The following MUTYH variants were observed in gnomAD, a reference collection of about 807,000 sequenced individuals.
MUTYH encodes the protein adenine DNA glycosylase.
A neutral mutation model predicts 72.9 loss-of-function variants in MUTYH; 64 were observed. The ratio of observed to expected loss-of-function variants is 0.88; its 90% confidence interval spans 0.72 to 1.08. The LOEUF is 1.08. Among genes scored for constraint, MUTYH ranks in the 50% least tolerant of loss-of-function variants. MUTYH has a pLI of 0.00. For synonymous variants in MUTYH, 234 were observed against 263.1 expected, an observed-to-expected ratio of 0.89 and a Z score of 1.07; for missense variants, 633 against 671.0, an observed-to-expected ratio of 0.94 and a Z score of 0.63.
In MUTYH at chr1:45,334,386, C is replaced by T. The variant is rs1570463324; in HGVS notation, c.115+5G>A. ...TGAGCCTTGGGCCACAACCTAGTTC[C>T]TTACCATCACAGGCAGAAGGCTTGG... is the stretch of plus-strand genomic sequence containing the variant. On this transcript the variant is annotated splice_donor_5th_base_variant and intron_variant, in intron 2 of 15. Coordinates refer to ENST00000456914, the MANE Select transcript of MUTYH (RefSeq NM_001048174.2). The T allele has an allele frequency of 2.5e-6, 4 of 1,614,062 alleles. No individual in the cohort carries two copies. The highest frequency in any genetic ancestry group is 3.4e-6 in the Non-Finnish European group (4 of 1,179,992).
chr1:45,333,055 G>T, intron 5 of MUTYH, 42 bp downstream of exon 5: 1 of 1,612,600 alleles, frequency 6.2e-7, no homozygotes, highest in South Asian at 1.1e-5. Flanking sequence ...GCTCTCATCT[G>T]GGGTCTGACC....
At chr1:45,336,444 AAAG>A (rs1394954078) in intron 1 of MUTYH, among the ~76,000 whole-genome samples, 2 of 152,162 alleles carry the variant, frequency 1.3e-5, no homozygotes, top group African/African-American at 4.8e-5. Context: ...AAGATCTACA[AAAG>A]AAGTGAAAAT....
rs147470874 is a variant in MUTYH at position 45,335,147 on chromosome 1, G to A, written c.-6-636C>T. ...CTGCTCCCTAACTGTTATAATGGCC[G>A]CCTTTTCTCTAACAGCTAAAATTAG... On this transcript the variant is annotated intron_variant, in intron 1 of 15. Transcript: ENST00000456914. 2.2e-3 allele frequency among the ~76,000 whole-genome samples: 336 copies of A among 152,182 alleles called. 2 individuals carry two copies. Among genetic ancestry groups the A allele is most frequent in the Middle Eastern group, 0.01 (3 of 292 alleles).
intron 1 of MUTYH, among the ~76,000 whole-genome samples, chr1:45,335,422 C>T (rs1333801068): frequency 6.6e-6 from 1 of 152,218 alleles, no homozygotes; most frequent in Non-Finnish European, 1.5e-5. Flanking sequence ...GACTTTACCA[C>T]CTCATTTTCA....
rs769287218 is a variant in MUTYH at position 45,339,935 on chromosome 1, G to A, written c.-43C>T. On this transcript the variant is annotated 5_prime_UTR_variant, in exon 1 of 16. Transcript: ENST00000456914. ...GCTGATGAAGACAGCAGAACACGGA[G>A]GCCCCGCGTTCCCGCCGCGAGAGCA... The A allele has an allele frequency of 2.7e-6, 4 of 1,467,510 alleles. No homozygotes were observed. Among genetic ancestry groups the A allele is most frequent in the South Asian group, 1.2e-5 (1 of 83,442 alleles). The allele number at this position is 1,467,510 out of a possible 1,614,324, so 90.9% of individuals were successfully genotyped here.
Position 45,331,166 on chromosome 1 carries a change from A to G in MUTYH, c.1392+16T>C. On this transcript the variant is annotated intron_variant, in intron 14 of 15. Coordinates refer to ENST00000456914, the MANE Select transcript of MUTYH (RefSeq NM_001048174.2). Reference sequence around the variant, plus strand: ...GGAAACACAAGGAAGTACAACAAAGACAACAAAGGTAGTGCCTTTTTCATG... The same window carrying G: ...GGAAACACAAGGAAGTACAACAAAGGCAACAAAGGTAGTGCCTTTTTCATG... 1 of 1,614,112 alleles carries G rather than the reference A, an allele frequency of 6.2e-7. No homozygotes were observed. The highest frequency in any genetic ancestry group is 8.5e-7 in the Non-Finnish European group (1 of 1,179,940).
chr1:45,331,862 A>C lies in MUTYH; in HGVS notation c.914-13T>G. ...CCAGTGTTGGGAGCTGGGAACGGAG[A>C]TCCCCGAACCCTACTCAAGCCAAGA... On this transcript the variant is annotated splice_polypyrimidine_tract_variant and intron_variant, in intron 11 of 15. Coordinates refer to ENST00000456914, the MANE Select transcript of MUTYH (RefSeq NM_001048174.2). The C allele has an allele frequency of 1.9e-6, 3 of 1,599,770 alleles. No homozygotes were observed. The highest frequency in any genetic ancestry group is 2.6e-6 in the Non-Finnish European group (3 of 1,173,036).
intron 9 of MUTYH, 34 bp from the exon 10 acceptor site, chr1:45,332,344 T>C: frequency 6.2e-7 from 1 of 1,614,074 alleles, no homozygotes; most frequent in South Asian, 1.1e-5. Context: ...GAAGCAGAGC[T>C]CCTTTGCAGA....
chr1:45,333,581 C>G lies in MUTYH; in HGVS notation c.116-20G>C. 6.2e-7 allele frequency: 1 copy of G among 1,612,278 alleles called. No individual in the cohort carries two copies. Among genetic ancestry groups the G allele is most frequent in the African/African-American group, 1.3e-5 (1 of 75,030 alleles). On this transcript the variant is annotated intron_variant, in intron 2 of 15. Coordinates refer to ENST00000456914, the MANE Select transcript of MUTYH (RefSeq NM_001048174.2). ...CCAGGCCTGCTGGGGCCCCAGGACA[C>G]TCAGCAATCATCCCTGCACAGGCTG... is the stretch of plus-strand genomic sequence containing the variant.
intron 1 of MUTYH, among the ~76,000 whole-genome samples, chr1:45,336,852 G>C (rs1645974714): frequency 6.6e-6 from 1 of 152,074 alleles, no homozygotes; most frequent in Non-Finnish European, 1.5e-5. Flanking sequence ...TAGGGAGATG[G>C]GTAATCACTT....
At position 45,332,075 on chromosome 1, in the gene MUTYH, T is replaced by C. The variant is rs763422835; in HGVS notation, c.861A>G (p.Glu287=). ...ACAGGCTCCCTGAGGCTAAGAGCTGTTCCTGCTCCACCTGAGAGGCACAGG... is the reference window on the plus strand; with the variant it reads ...ACAGGCTCCCTGAGGCTAAGAGCTGCTCCTGCTCCACCTGAGAGGCACAGG... ...LCRARQRVEQ[E]QLLASGSLSG... Residue 287 remains glutamate (E), a synonymous_variant, in exon 11 of 16, where the codon GAA becomes GAG. Transcript: ENST00000456914. 2 of 1,614,184 alleles carry C rather than the reference T, an allele frequency of 1.2e-6. No homozygotes were observed. Among genetic ancestry groups the C allele is most frequent in the Non-Finnish European group, 8.5e-7 (1 of 1,180,014 alleles).
rs746756021 is a variant in MUTYH at position 45,331,386 on chromosome 1, G to A, written c.1239+34C>T. 14 of 1,614,226 alleles carry A rather than the reference G, an allele frequency of 8.7e-6. No individual in the cohort carries two copies. In the African/African-American group the frequency reaches 1.9e-4, roughly 22 times the overall value. On this transcript the variant is annotated intron_variant, in intron 13 of 15. Transcript: ENST00000456914. ...TAGGCCTGTGGATATAGCCTCAAAA[G>A]CCAACATCCTTGGCTATTCCGCTGC... is the stretch of plus-strand genomic sequence containing the variant.
At position 45,331,637 on chromosome 1, in the gene MUTYH, C is replaced by T. The variant is rs775388504; in HGVS notation, c.1102+24G>A. ...TCTCTCTTGTTACTCATGCCACTGC[C>T]CTCCACGCCCAGTATCCAGGTACCT... On this transcript the variant is annotated intron_variant, in intron 12 of 15. Coordinates refer to ENST00000456914, the MANE Select transcript of MUTYH (RefSeq NM_001048174.2). 6 of 1,613,448 alleles carry T rather than the reference C, an allele frequency of 3.7e-6. No homozygotes were observed. In the Admixed American group the frequency reaches 8.3e-5, roughly 22 times the overall value.
rs1644345586 is a variant in MUTYH, at chr1:45,329,317, C to T, written c.1555G>A (p.Ala519Thr). ...ISTDAHSLNS[A>T]AQ Reference sequence around the variant, plus strand: ...GGCTTTCAGAGGTGTCACTGGGCTGCACTGTTGAGGCTGTGTGCATCAGTG... The same window carrying T: ...GGCTTTCAGAGGTGTCACTGGGCTGTACTGTTGAGGCTGTGTGCATCAGTG... The change falls in exon 16 of 16, where the codon GCA (alanine) becomes ACA (threonine). Residue 519 changes from alanine (A) to threonine (T), a missense_variant. Physicochemically the swap from Ala to Thr is moderately conservative, Grantham distance 58. Transcript: ENST00000456914. The T allele has an allele frequency of 6.2e-7, 1 of 1,614,198 alleles. No homozygotes were observed. Among genetic ancestry groups the T allele is most frequent in the Non-Finnish European group, 8.5e-7 (1 of 1,180,040 alleles).
At chr1:45,340,133 G>C, upstream of MUTYH, 1 of 1,573,936 alleles carries the variant, frequency 6.4e-7, no homozygotes, top group Non-Finnish European at 8.6e-7. Context: ...ACGGAAGTTC[G>C]ACCCATCGGC....
intron 6 of MUTYH, 26 bp from the exon 7 acceptor site, chr1:45,332,860 A>G (rs765511118): frequency 2.5e-6 from 4 of 1,614,120 alleles, no homozygotes; most frequent in Non-Finnish European, 3.4e-6. Flanking sequence ...GAGGTCAAAG[A>G]GATCACCCGT....
At chr1:45,340,007 G>A (rs901016018), upstream of MUTYH, 10 of 1,539,098 alleles carry the variant, frequency 6.5e-6, no homozygotes, top group African/African-American at 1.2e-4. Flanking sequence ...CCGGCTTTCC[G>A]GCGCACTCCA....
At position 45,329,309 on chromosome 1, in the gene MUTYH, C is replaced by T. The variant is rs909488660; in HGVS notation, c.1563G>A (p.Gln521=). ...GGAATGGGGGCTTTCAGAGGTGTCA[C>T]TGGGCTGCACTGTTGAGGCTGTGTG... ...TDAHSLNSAA[Q] Residue 521 remains glutamine (Q), a synonymous_variant, in exon 16 of 16, where the codon CAG becomes CAA. Transcript: ENST00000456914. The T allele has an allele frequency of 6.2e-7, 1 of 1,614,084 alleles. No individual in the cohort carries two copies. Among genetic ancestry groups the T allele is most frequent in the African/African-American group, 1.3e-5 (1 of 74,910 alleles).
At chr1:45,333,723 G>GT in intron 2 of MUTYH, 162 bp from the exon 3 acceptor site, 1 of 1,086,890 alleles carries the variant, frequency 9.2e-7, no homozygotes, top group Non-Finnish European at 1.3e-6. Flanking sequence ...GTAATTGTGT[G>GT]TAGCTGTGGC....
Sources: gnomAD v4.1 joint callset for allele counts (sites outside exome capture counted in the v4.1 genomes callset) on GRCh38, gnomAD v4.1.1 for gene constraint, MANE v1.5 for transcripts, NCBI Gene and HGNC (gene_info 2026-07-23, HGNC 2026-07-21) for gene names.